Variants in LNPK observed in about 807,000 individuals in gnomAD.
LNPK encodes lunapark, ER junction formation factor, also known as endoplasmic reticulum junction formation protein lunapark.
LNPK carries 29 observed loss-of-function variants against 55.2 expected under a neutral mutation model. The ratio of observed to expected loss-of-function variants is 0.53; its 90% CI spans 0.39 to 0.72. LNPK has a LOEUF of 0.72. LNPK is among the 30% of genes least tolerant of loss of function. The pLI is 0.00. For synonymous variants in LNPK, 162 were observed against 168.2 expected (o/e 0.96, Z 0.29); for missense variants, 467 against 494.8 (o/e 0.94, Z 0.53).
intron 11 of LNPK, chr2:175,937,896 T>C (rs1380678272): frequency 5.6e-6 from 1 of 178,282 alleles, no homozygotes; most frequent in Non-Finnish European, 1.2e-5. Flanking sequence ...CCCATGAAAA[T>C]GTAGTACATA....
In LNPK at chr2:175,929,907, A is replaced by G; in HGVS notation, c.*60T>C. 6.3e-7 allele frequency: 1 copy of G among 1,596,102 alleles called. No individual in the cohort carries two copies. The highest frequency in any genetic ancestry group is 8.5e-7 in the Non-Finnish European group (1 of 1,170,628). On this transcript the variant is annotated 3_prime_UTR_variant, in exon 13 of 13. Transcript: ENST00000272748. ...CAAAAAAAGTAAGTGCCACCGAAAA[A>G]GCAATAACTGACATCAGTAAGACTA...
At chr2:175,950,066 T>C (rs1373219464) in intron 8 of LNPK, among the ~76,000 whole-genome samples, 6 of 152,172 alleles carry the variant, frequency 3.9e-5, no homozygotes, top group African/African-American at 1.4e-4. Context: ...CCACCAAGCA[T>C]TCCACATGAA....
intron 4 of LNPK, among the ~76,000 whole-genome samples, chr2:175,987,383 T>G (rs1393282785): frequency 6.6e-6 from 1 of 152,126 alleles, no homozygotes; most frequent in African/African-American, 2.4e-5. Context: ...TGGACATGGA[T>G]GAAACTGGAA....
At position 175,939,575 on chromosome 2, in the gene LNPK, C is replaced by T; in HGVS notation, c.789G>A (p.Leu263=). Residue 263 remains leucine, a synonymous_variant, in exon 10 of 13, where the codon TTG becomes TTA. Coordinates refer to ENST00000272748, the MANE Select transcript of LNPK (RefSeq NM_030650.3). ...ACCTGTTTTGTGGACCATCACCAAC[C>T]AAATATTCAACAATTCTATCCAAAG... is the stretch of plus-strand genomic sequence containing the variant. The part of the protein sequence containing the change: ...RGALDRIVEY[L]VGDGPQNRYA... The T allele has an allele frequency of 6.3e-7, 1 of 1,596,954 alleles. No individual in the cohort carries two copies. The highest frequency in any genetic ancestry group is 8.6e-7 in the Non-Finnish European group (1 of 1,166,364).
At chr2:175,974,141 C>T (rs946044937) in intron 5 of LNPK, among the ~76,000 whole-genome samples, 1 of 152,128 alleles carries the variant, frequency 6.6e-6, no homozygotes, top group Admixed American at 6.6e-5. Flanking sequence ...ATGTCAAATA[C>T]ATATTGTACT....
intron 12 of LNPK, among the ~76,000 whole-genome samples, chr2:175,936,839 T>C (rs545749324): frequency 8.5e-5 from 13 of 152,320 alleles, no homozygotes; most frequent in African/African-American, 3.1e-4. Context: ...TTTGTTTTAA[T>C]GAAATACCAG....
At position 175,929,075 on chromosome 2, in the gene LNPK, C is replaced by T; in HGVS notation, c.*892G>A. On this transcript the variant is annotated 3_prime_UTR_variant, in exon 13 of 13. Transcript: ENST00000272748. ...ATTTTTCAGGTAGCCAAGTCACCCA[C>T]CAAGATACTGTTTGAAGAAGACTAG... 1.0e-6 allele frequency: 1 copy of T among 983,266 alleles called. No homozygotes were observed. The highest frequency in any genetic ancestry group is 1.2e-6 in the Non-Finnish European group (1 of 827,660). 60.9% of individuals were successfully genotyped at this position (983,266 alleles called of 1,614,324 possible).
intron 3 of LNPK, among the ~76,000 whole-genome samples, chr2:175,992,885 T>C (rs185974151): frequency 8.5e-5 from 13 of 152,314 alleles, no homozygotes; most frequent in African/African-American, 7.2e-5. Context: ...GAAAATTTTG[T>C]AGACTGATAA....
intron 4 of LNPK, among the ~76,000 whole-genome samples, chr2:175,983,729 T>G (rs1023011148): frequency 7.3e-5 from 11 of 149,806 alleles, no homozygotes; most frequent in African/African-American, 2.5e-4. Context: ...AAAACAAGGG[T>G]TGTGATCATA....
At chr2:175,997,797 G>A (rs746844491) in intron 1 of LNPK, among the ~76,000 whole-genome samples, 1 of 151,330 alleles carries the variant, frequency 6.6e-6, no homozygotes, top group Non-Finnish European at 1.5e-5. Context: ...GTGCAGTGGT[G>A]CGATCTTGGC....
At position 175,964,239 on chromosome 2, in the gene LNPK, C is replaced by G. The variant is rs924245020; in HGVS notation, c.493+133G>C. 3 of 626,162 alleles carry G rather than the reference C, an allele frequency of 4.8e-6. No individual in the cohort carries two copies. In the Admixed American group the frequency reaches 9.3e-5, roughly 19 times the overall value. The allele number at this position is 626,162 out of a possible 1,614,324, so 38.8% of individuals were successfully genotyped here. The stretch of plus-strand genomic sequence containing the variant: ...ATTGCCATCCACCCTAAGTCATATC[C>G]CAAATTACCAAATATAAATTTACAC... On this transcript the variant is annotated intron_variant, in intron 8 of 12. Transcript: ENST00000272748.
intron 5 of LNPK, among the ~76,000 whole-genome samples, chr2:175,975,909 A>G (rs1006706729): frequency 3.9e-5 from 6 of 152,200 alleles, no homozygotes; most frequent in Non-Finnish European, 8.8e-5. Flanking sequence ...GCTACTTGGG[A>G]GAATGAGGCA....
chr2:175,927,918 CTGTT>C lies in LNPK; in HGVS notation c.*2045_*2048del, dbSNP rs1198939002. ...CTTTCAAAGATATTTCTCATACTAT[CTGTT>C]TGAGTCTATCAAATTTCTCTGAGGT... On this transcript the variant is annotated 3_prime_UTR_variant, in exon 13 of 13. Coordinates refer to ENST00000272748, the MANE Select transcript of LNPK (RefSeq NM_030650.3). 2 of 152,090 alleles carry C rather than the reference CTGTT, an allele frequency of 1.3e-5. No homozygotes were observed. Among genetic ancestry groups the C allele is most frequent in the Non-Finnish European group, 2.9e-5 (2 of 68,012 alleles). The allele number at this position is 152,090 out of a possible 1,614,324, so 9.4% of individuals were successfully genotyped here. A position where few individuals can be genotyped will look rare whatever the true frequency, so the allele number is the denominator to read the frequency against.
In LNPK at chr2:175,929,129, A is replaced by T. The variant is rs960935805; in HGVS notation, c.*838T>A. The T allele has an allele frequency of 1.0e-6, 1 of 984,600 alleles. No individual in the cohort carries two copies. The highest frequency in any genetic ancestry group is 1.7e-5 in the African/African-American group (1 of 57,328). The allele number at this position is 984,600 out of a possible 1,614,324, so 61.0% of individuals were successfully genotyped here. ...TTTAGCAAAATGAAACTGATGCCAG[A>T]TTATTTTCATTTTCCTTAATAAAAT... On this transcript the variant is annotated 3_prime_UTR_variant, in exon 13 of 13. Coordinates refer to ENST00000272748, the MANE Select transcript of LNPK (RefSeq NM_030650.3).
At chr2:175,955,470 A>T (rs1163901004) in intron 8 of LNPK, among the ~76,000 whole-genome samples, 1 of 152,232 alleles carries the variant, frequency 6.6e-6, no homozygotes, top group Non-Finnish European at 1.5e-5. Flanking sequence ...TAGCCAAGCA[A>T]ATTTCATGAG....
intron 10 of LNPK, among the ~76,000 whole-genome samples, chr2:175,939,175 T>C (rs536171536): frequency 8.5e-5 from 13 of 152,146 alleles, no homozygotes; most frequent in Non-Finnish European, 1.9e-4. Flanking sequence ...AATAAATACA[T>C]GCAAATTGCT....
At chr2:175,999,080 C>A (rs1688066730) in intron 1 of LNPK, among the ~76,000 whole-genome samples, 1 of 152,114 alleles carries the variant, frequency 6.6e-6, no homozygotes, top group Non-Finnish European at 1.5e-5. Context: ...GGTTCATAAT[C>A]AAAGAACAGT....
At chr2:175,999,096 A>G (rs141561440) in intron 1 of LNPK, among the ~76,000 whole-genome samples, 155 of 152,374 alleles carry the variant, frequency 1.0e-3, no homozygotes, top group African/African-American at 3.3e-3. Flanking sequence ...ACAGTCAACC[A>G]GCACAGTTTC....
At chr2:175,974,322 T>C (rs1436946215) in intron 5 of LNPK, among the ~76,000 whole-genome samples, 2 of 152,168 alleles carry the variant, frequency 1.3e-5, no homozygotes, top group Non-Finnish European at 2.9e-5. Flanking sequence ...AATAAAATTG[T>C]CACAGTACAA....
Sources: gnomAD v4.1 joint callset for allele counts (sites outside exome capture counted in the v4.1 genomes callset) on GRCh38, gnomAD v4.1.1 for gene constraint, MANE v1.5 for transcripts, NCBI Gene and HGNC (gene_info 2026-07-23, HGNC 2026-07-21) for gene names.